Variants in HEPHL1 observed in about 807,000 individuals in gnomAD.
HEPHL1 encodes the protein ferroxidase HEPHL1.
In HEPHL1, 123 loss-of-function variants were observed where a neutral mutation model predicts 122.0. That is an observed-to-expected ratio of 1.01 (90% CI 0.87 to 1.17). HEPHL1 has a LOEUF of 1.17. Ranked by LOEUF, HEPHL1 falls within the 50% of genes most tolerant of loss-of-function variation. The probability of loss-of-function intolerance (pLI) is 0.00; values close to 1 mark genes in which losing one functional copy is unlikely to be tolerated. For synonymous variants in HEPHL1, 527 were observed against 508.9 expected, an observed-to-expected ratio of 1.04 and a Z score of -0.48; for missense variants, 1,452 against 1,430.5, an observed-to-expected ratio of 1.01 and a Z score of -0.24.
chr11:94,032,279 G>T (rs1395047569), intron 1 of HEPHL1, among the ~76,000 whole-genome samples: 1 of 152,258 alleles, frequency 6.6e-6, no homozygotes, highest in South Asian at 2.1e-4. Flanking sequence ...AACCGTGGGG[G>T]ATTCTCCAGC....
chr11:94,037,480 T>C (rs1945737241), intron 1 of HEPHL1, among the ~76,000 whole-genome samples: 1 of 152,200 alleles, frequency 6.6e-6, no homozygotes, highest in East Asian at 1.9e-4. Context: ...TCTGACAGCT[T>C]TGAAGAGAGC....
intron 17 of HEPHL1, among the ~76,000 whole-genome samples, chr11:94,110,542 A>G (rs894791886): frequency 3.9e-5 from 6 of 152,210 alleles, no homozygotes; most frequent in African/African-American, 1.4e-4. Flanking sequence ...AGAAGTAATG[A>G]TAACCTAATC....
intron 10 of HEPHL1, among the ~76,000 whole-genome samples, chr11:94,082,918 G>A (rs1007070816): frequency 6.6e-6 from 1 of 151,960 alleles, no homozygotes; most frequent in Non-Finnish European, 1.5e-5. Flanking sequence ...GTGAAACCCC[G>A]TCTCTACTAA....
At chr11:94,036,677 A>T (rs757206847) in intron 1 of HEPHL1, among the ~76,000 whole-genome samples, 34 of 152,064 alleles carry the variant, frequency 2.2e-4, no homozygotes, top group South Asian at 4.2e-4. Context: ...TCTACTAAAC[A>T]AAATACAAAA....
chr11:94,099,947 C>A (rs1477258626), intron 13 of HEPHL1, among the ~76,000 whole-genome samples: 2 of 152,134 alleles, frequency 1.3e-5, no homozygotes, highest in Non-Finnish European at 2.9e-5. Flanking sequence ...ATTCCCTGAC[C>A]CCTTGTGCTT....
At chr11:94,032,565 T>C (rs923814336) in intron 1 of HEPHL1, among the ~76,000 whole-genome samples, 1 of 152,164 alleles carries the variant, frequency 6.6e-6, no homozygotes, top group African/African-American at 2.4e-5. Flanking sequence ...CAACAGTCTT[T>C]GGGAGGCATA....
chr11:94,037,722 A>G (rs1945739550), intron 1 of HEPHL1, among the ~76,000 whole-genome samples: 1 of 151,968 alleles, frequency 6.6e-6, no homozygotes, highest in African/African-American at 2.4e-5. Context: ...CCATCTGTAC[A>G]TCACCATCAT....
At chr11:94,056,657 T>TATCTATCTATTTATC (rs3060401) in intron 2 of HEPHL1, among the ~76,000 whole-genome samples, 3 of 111,804 alleles carry the variant, frequency 2.7e-5, no homozygotes, top group African/African-American at 9.5e-5. Flanking sequence ...CTATTATTGA[T>TATCTATCTATTTATC]TATCTATCTA....
intron 9 of HEPHL1, among the ~76,000 whole-genome samples, chr11:94,077,430 A>C (rs1296355058): frequency 6.6e-6 from 1 of 152,112 alleles, no homozygotes; most frequent in African/African-American, 2.4e-5. Flanking sequence ...ATATTTATGG[A>C]GTACACGAGA....
intron 4 of HEPHL1, 147 bp from the exon 5 acceptor site, chr11:94,067,349 C>CT: frequency 1.4e-6 from 1 of 702,054 alleles, no homozygotes; most frequent in South Asian, 1.8e-5. Flanking sequence ...ATATATATTT[C>CT]TAAGAGCCAG....
intron 1 of HEPHL1, among the ~76,000 whole-genome samples, chr11:94,039,634 C>T (rs887858461): frequency 3.3e-5 from 5 of 151,722 alleles, no homozygotes; most frequent in African/African-American, 7.3e-5. Flanking sequence ...GGGTACATAA[C>T]GAAATGAAGG....
chr11:94,089,258 T>C (rs1298032287), intron 12 of HEPHL1, among the ~76,000 whole-genome samples: 3 of 151,732 alleles, frequency 2.0e-5, no homozygotes, highest in African/African-American at 7.3e-5. Flanking sequence ...GCAGATCACA[T>C]GGTTATAGTG....
intron 1 of HEPHL1, among the ~76,000 whole-genome samples, chr11:94,033,080 AG>A (rs1945690595): frequency 6.6e-6 from 1 of 152,186 alleles, no homozygotes; most frequent in Non-Finnish European, 1.5e-5. Context: ...CCAAGTCAAA[AG>A]GTCAAACTGC....
chr11:94,087,518 T>C (rs1269606414), intron 11 of HEPHL1, among the ~76,000 whole-genome samples: 3 of 152,208 alleles, frequency 2.0e-5, no homozygotes, highest in African/African-American at 4.8e-5. Flanking sequence ...TAGAGTAGAC[T>C]ATATGCTGCA....
chr11:94,054,334 G>T (rs1176580542), intron 2 of HEPHL1, among the ~76,000 whole-genome samples: 1 of 152,194 alleles, frequency 6.6e-6, no homozygotes, highest in Non-Finnish European at 1.5e-5. Context: ...ACAGGACTCA[G>T]ATCTCAGTCT....
At chr11:94,037,475 C>T (rs1591463411) in intron 1 of HEPHL1, among the ~76,000 whole-genome samples, 1 of 152,072 alleles carries the variant, frequency 6.6e-6, no homozygotes, top group African/African-American at 2.4e-5. Flanking sequence ...CCCTGTCTGA[C>T]AGCTTTGAAG....
chr11:94,024,334 G>T (rs187168521), intron 1 of HEPHL1, among the ~76,000 whole-genome samples: 1 of 152,288 alleles, frequency 6.6e-6, no homozygotes, highest in African/African-American at 2.4e-5. Context: ...TGTAAGAAGG[G>T]AGTTGAAATG....
chr11:94,045,911 T>A lies in HEPHL1; in HGVS notation c.409T>A (p.Ser137Thr). Residue 137 changes from serine to threonine, a missense_variant, in exon 2 of 20, where the codon TCA becomes ACA. Coordinates refer to ENST00000315765, the MANE Select transcript of HEPHL1 (RefSeq NM_001098672.2). ...HPHGVFYNKDSEGALYPDGTS... is the reference protein window; with the variant it reads ...HPHGVFYNKDTEGALYPDGTS... ...ACATGGCGTTTTCTACAACAAAGAT[T>A]CAGAAGGTAAATATCAATCCTTTAT... 1 of 1,613,644 alleles carries A rather than the reference T, an allele frequency of 6.2e-7. No homozygotes were observed.
rs373065595 is a variant in HEPHL1, at chr11:94,032,297, G to A, written c.170+10759G>A. ...CGTGGGGGATTCTCCAGCCTCCGAG[G>A]CCAAGGCCTGCTTCATTTAAAAGAG... On this transcript the variant is annotated intron_variant, in intron 1 of 19. Coordinates refer to ENST00000315765, the MANE Select transcript of HEPHL1 (RefSeq NM_001098672.2). Among the ~76,000 whole-genome samples, 11 of 152,206 alleles carry A rather than the reference G, an allele frequency of 7.2e-5. No homozygotes were observed. The East Asian group carries it at 2.1e-3, about 29-fold the overall frequency.
Sources: allele counts gnomAD v4.1 joint callset (sites outside exome capture counted in the v4.1 genomes callset), GRCh38; gene constraint gnomAD v4.1.1; transcripts MANE v1.5; gene names NCBI Gene and HGNC (gene_info 2026-07-23, HGNC 2026-07-21).